Variants in CREB3L2 observed in about 807,000 individuals in gnomAD.
CREB3L2 encodes cyclic AMP-responsive element-binding protein 3-like protein 2.
In CREB3L2, 23 loss-of-function variants were observed where a neutral mutation model predicts 57.2. The observed-to-expected ratio is 0.40, with a 90% confidence interval of 0.29 to 0.57. The LOEUF (loss-of-function observed/expected upper bound fraction) is 0.57, where lower values mean the gene tolerates loss of function less well. CREB3L2 is among the 20% of genes least tolerant of loss of function. The pLI is 0.42. For synonymous variants in CREB3L2, 268 were observed against 265.1 expected (o/e 1.01, Z -0.11); for missense variants, 628 against 634.7 (o/e 0.99, Z 0.11).
At chr7:137,903,664 G>A (rs1307448316) in intron 7 of CREB3L2, among the ~76,000 whole-genome samples, 3 of 152,232 alleles carry the variant, frequency 2.0e-5, no homozygotes, top group South Asian at 4.1e-4. Context: ...CCAGGAATGT[G>A]CAGGAATGTT....
intron 10 of CREB3L2, among the ~76,000 whole-genome samples, chr7:137,883,806 A>G (rs57721859): frequency 0.16 from 23,620 of 152,174 alleles, 6,069 homozygotes; most frequent in African/African-American, 0.54. Flanking sequence ...AGCTTAGAAT[A>G]CAAAACCTCA....
chr7:137,993,387 C>T (rs560018763), intron 1 of CREB3L2, among the ~76,000 whole-genome samples: 107 of 152,318 alleles, frequency 7.0e-4, no homozygotes, highest in African/African-American at 2.4e-3. Context: ...GTTTCAATCA[C>T]CCCACGCCCA....
At chr7:137,935,687 G>C (rs992151349) in intron 1 of CREB3L2, among the ~76,000 whole-genome samples, 13 of 152,038 alleles carry the variant, frequency 8.6e-5, no homozygotes, top group African/African-American at 3.1e-4. Context: ...TATCTCATTT[G>C]CATCTATTAT....
intron 1 of CREB3L2, among the ~76,000 whole-genome samples, chr7:137,995,317 T>G (rs1295766139): frequency 1.7e-5 from 2 of 119,996 alleles, no homozygotes; most frequent in East Asian, 2.3e-4. Context: ...TCTATTTCTT[T>G]TTTTTTCTTT....
In CREB3L2 at chr7:137,972,684, C is replaced by CAAAAAAA. The variant is rs58627909; in HGVS notation, c.102+28913_102+28919dup. 2.6e-3 allele frequency among the ~76,000 whole-genome samples: 25 copies of CAAAAAAA among 9,608 alleles called. 3 individuals are homozygous for CAAAAAAA. Among genetic ancestry groups the CAAAAAAA allele is most frequent in the Non-Finnish European group, 3.9e-3 (17 of 4,344 alleles). The allele number at this position is 9,608 out of a possible 152,430, so 6.3% of individuals were successfully genotyped here. A position where few individuals can be genotyped will look rare whatever the true frequency, so the allele number is the denominator to read the frequency against. ...CAACACAGTGAGATCCCCGTCTCTA[C>CAAAAAAA]AAAAAAAAAAAAAAAAAAAAAAAAA... On this transcript the variant is annotated intron_variant, in intron 1 of 11. Coordinates refer to ENST00000330387, the MANE Select transcript of CREB3L2 (RefSeq NM_194071.4).
intron 1 of CREB3L2, chr7:137,934,005 G>A (rs1439854334): frequency 2.6e-5 from 4 of 152,242 alleles, no homozygotes; most frequent in Non-Finnish European, 5.9e-5. Flanking sequence ...ACGCTTTAGC[G>A]AAGTACTGCT....
intron 1 of CREB3L2, among the ~76,000 whole-genome samples, chr7:137,972,708 A>ACAAAACAAAAAAAAC (rs1554503522): frequency 2.3e-5 from 1 of 42,860 alleles, no homozygotes; most frequent in African/African-American, 1.2e-4. Flanking sequence ...AAAAAAAAAA[A>ACAAAACAAAAAAAAC]AAAAATATAT....
intron 5 of CREB3L2, among the ~76,000 whole-genome samples, chr7:137,907,525 CA>C (rs1288572049): frequency 6.6e-6 from 1 of 152,156 alleles, no homozygotes; most frequent in Non-Finnish European, 1.5e-5. Context: ...TACAAATTTT[CA>C]AAGTTATGTT....
rs147128461 is a variant in CREB3L2, at chr7:137,884,966, C to T, written c.1270+29G>A. 8.5e-4 allele frequency: 1,374 copies of T among 1,613,958 alleles called. 11 individuals are homozygous for T. In the African/African-American group the frequency reaches 0.016, roughly 19 times the overall value. Reference sequence around the variant, plus strand: ...CAGCTCTAGGGAAATAAAACAAGACCCTGCCCAACTTGCCACATGCTGTCT... The same window carrying T: ...CAGCTCTAGGGAAATAAAACAAGACTCTGCCCAACTTGCCACATGCTGTCT... On this transcript the variant is annotated intron_variant, in intron 10 of 11. Coordinates refer to ENST00000330387, the MANE Select transcript of CREB3L2 (RefSeq NM_194071.4).
chr7:137,883,026 AG>A (rs1799332299), intron 10 of CREB3L2, among the ~76,000 whole-genome samples: 1 of 152,184 alleles, frequency 6.6e-6, no homozygotes, highest in African/African-American at 2.4e-5. Flanking sequence ...TAGGTCTGGC[AG>A]GGGGATGAGG....
chr7:137,949,181 T>A (rs1055189788), intron 1 of CREB3L2, among the ~76,000 whole-genome samples: 1 of 152,184 alleles, frequency 6.6e-6, no homozygotes, highest in African/African-American at 2.4e-5. Context: ...CAAACGGAAA[T>A]AGCCACTTGG....
At position 137,880,459 on chromosome 7, in the gene CREB3L2, G is replaced by A. The variant is rs574770108; in HGVS notation, c.*17C>T. Reference sequence around the variant, plus strand: ...AAAGTAGAGTTAAGGGAAAGGGAGGGGGTGCAGGCAGCCTCTTTAGAAAGT... The same window carrying A: ...AAAGTAGAGTTAAGGGAAAGGGAGGAGGTGCAGGCAGCCTCTTTAGAAAGT... On this transcript the variant is annotated 3_prime_UTR_variant, in exon 12 of 12. Transcript: ENST00000330387. The surrounding 1 kb of genome is among the most constrained non-coding windows in gnomAD (Gnocchi z 4.0). The A allele has an allele frequency of 8.7e-6, 14 of 1,603,378 alleles. No homozygotes were observed. The South Asian group carries it at 1.4e-4, about 16-fold the overall frequency.
At chr7:138,000,954 A>G (rs1384326516) in intron 1 of CREB3L2, among the ~76,000 whole-genome samples, 1 of 152,072 alleles carries the variant, frequency 6.6e-6, no homozygotes, top group Non-Finnish European at 1.5e-5. Context: ...TAAATATGCA[A>G]CTGTCTCAGA....
chr7:137,959,498 C>T (rs1287841243), intron 1 of CREB3L2, among the ~76,000 whole-genome samples: 5 of 152,256 alleles, frequency 3.3e-5, no homozygotes. Flanking sequence ...AAAAGTCCAT[C>T]TGAGCCCAGT....
chr7:137,944,978 T>C (rs574814444), intron 1 of CREB3L2, among the ~76,000 whole-genome samples: 2 of 152,296 alleles, frequency 1.3e-5, no homozygotes, highest in East Asian at 3.9e-4. Flanking sequence ...CTGCAACCTC[T>C]GTCTCTCGGG....
chr7:137,967,267 T>C (rs1801424147), intron 1 of CREB3L2, among the ~76,000 whole-genome samples: 1 of 152,194 alleles, frequency 6.6e-6, no homozygotes, highest in Non-Finnish European at 1.5e-5. Flanking sequence ...CAGTCTATGG[T>C]ACTTTGTTAA....
Position 137,901,143 on chromosome 7 carries a change from G to A in CREB3L2, c.1043+211C>T, listed in dbSNP as rs533570165. ...AACATGAGAGCATGTGTGCATATGT[G>A]TTTGTATATGTGCAAGAGTAGCACG... On this transcript the variant is annotated intron_variant, in intron 8 of 11. Coordinates refer to ENST00000330387, the MANE Select transcript of CREB3L2 (RefSeq NM_194071.4). Among the ~76,000 whole-genome samples the A allele has an allele frequency of 1.1e-4, 17 of 152,316 alleles. 1 individual carries two copies. In the South Asian group the frequency reaches 3.3e-3, roughly 30 times the overall value.
At chr7:137,927,080 G>T (rs919789836) in intron 2 of CREB3L2, among the ~76,000 whole-genome samples, 3 of 151,932 alleles carry the variant, frequency 2.0e-5, no homozygotes, top group African/African-American at 7.3e-5. Flanking sequence ...CTACATGAGA[G>T]CCCAGGAGGT....
At chr7:137,917,455 C>T (rs2117222225) in intron 2 of CREB3L2, among the ~76,000 whole-genome samples, 1 of 152,298 alleles carries the variant, frequency 6.6e-6, no homozygotes, top group South Asian at 2.1e-4. Flanking sequence ...CAAAGACACG[C>T]TCCTTTGCTT....
Sources: allele counts gnomAD v4.1 joint callset (sites outside exome capture counted in the v4.1 genomes callset), GRCh38; gene constraint gnomAD v4.1.1; non-coding constraint Gnocchi (gnomAD v3.1); transcripts MANE v1.5; gene names NCBI Gene and HGNC (gene_info 2026-07-23, HGNC 2026-07-21).